Variants in XXYLT1 observed in about 807,000 individuals in gnomAD.
The protein encoded by XXYLT1 is UDP-xylose:alpha-xyloside alpha-1,3-xylosyltransferase.
A neutral mutation model predicts 28.9 loss-of-function variants in XXYLT1; 20 were observed. The ratio of observed to expected loss-of-function variants is 0.69; its 90% CI spans 0.49 to 1.00. The LOEUF (loss-of-function observed/expected upper bound fraction) is 1.00, where lower values mean the gene tolerates loss of function less well. Among genes scored for constraint, XXYLT1 ranks in the 50% least tolerant of loss-of-function variants. The probability of loss-of-function intolerance (pLI) is 0.00; values close to 1 mark genes in which losing one functional copy is unlikely to be tolerated. For synonymous variants in XXYLT1, 257 were observed against 253.8 expected (o/e 1.01, Z -0.12); for missense variants, 542 against 560.1 (o/e 0.97, Z 0.33).
At chr3:195,156,236 C>G (rs1720582213) in intron 3 of XXYLT1, among the ~76,000 whole-genome samples, 1 of 152,260 alleles carries the variant, frequency 6.6e-6, no homozygotes, top group Admixed American at 6.5e-5. Flanking sequence ...AGGCCACAAA[C>G]TCCAACAAAA....
Position 195,133,681 on chromosome 3 carries a change from A to G in XXYLT1, c.785+22768T>C, listed in dbSNP as rs1719018386. ...CTTGTTGCCATGCAGCATTGTATACAGTCACGCACCACGTGACGACGTTGC... is the reference window on the plus strand; with the variant it reads ...CTTGTTGCCATGCAGCATTGTATACGGTCACGCACCACGTGACGACGTTGC... On this transcript the variant is annotated intron_variant, in intron 3 of 3. Transcript: ENST00000310380. The surrounding 1 kb of genome is among the most constrained non-coding windows in gnomAD (Gnocchi z 4.4). 2.0e-5 allele frequency among the ~76,000 whole-genome samples: 3 copies of G among 152,188 alleles called. No individual in the cohort carries two copies. Among genetic ancestry groups the G allele is most frequent in the Admixed American group, 1.3e-4 (2 of 15,274 alleles).
At chr3:195,145,930 T>C (rs1719820565) in intron 3 of XXYLT1, among the ~76,000 whole-genome samples, 1 of 152,216 alleles carries the variant, frequency 6.6e-6, no homozygotes, top group Non-Finnish European at 1.5e-5. Context: ...TCACAGGGGT[T>C]CTCTATGATC....
chr3:195,263,521 A>G (rs12492644), intron 1 of XXYLT1, among the ~76,000 whole-genome samples: 4,456 of 152,260 alleles, frequency 0.029, 139 homozygotes, highest in East Asian at 0.1. Flanking sequence ...AGTGGCTGTT[A>G]TAAAGCCAGG....
At position 195,226,735 on chromosome 3, in the gene XXYLT1, A is replaced by T; in HGVS notation, c.626T>A (p.Val209Asp). The change falls in exon 2 of 4, where the codon GTC becomes GAC. Residue 209 changes from valine to aspartate, a missense_variant. Transcript: ENST00000310380. ...TTTGGGCATGATCTGATGCATGGCG[A>T]CCGAGAGGAAGAAGATGGAGTCACT... Reference protein sequence around the residue: ...YYSDSIFFLSVAMHQIMPKEI... With the variant: ...YYSDSIFFLSDAMHQIMPKEI... 6.2e-7 allele frequency: 1 copy of T among 1,613,822 alleles called. No individual in the cohort carries two copies. Among genetic ancestry groups the T allele is most frequent in the African/African-American group, 1.3e-5 (1 of 74,956 alleles).
At chr3:195,080,675 G>A (rs1560083400) in intron 3 of XXYLT1, among the ~76,000 whole-genome samples, 2 of 152,218 alleles carry the variant, frequency 1.3e-5, no homozygotes, top group Non-Finnish European at 2.9e-5. Context: ...AGGACACATG[G>A]TGGGGTGTTT....
intron 3 of XXYLT1, among the ~76,000 whole-genome samples, chr3:195,149,430 T>A (rs558349754): frequency 1.4e-4 from 21 of 152,188 alleles, no homozygotes; most frequent in African/African-American, 5.1e-4. Context: ...ATATTGGAGA[T>A]CAGGGCTAGA....
intron 1 of XXYLT1, among the ~76,000 whole-genome samples, chr3:195,229,007 T>G (rs1385089657): frequency 6.6e-6 from 1 of 151,940 alleles, no homozygotes; most frequent in Non-Finnish European, 1.5e-5. Context: ...GAGACAGGGT[T>G]TCACCATGTT....
rs754360505 is a variant in XXYLT1, at chr3:195,110,660, TTG to T, written c.786-40551_786-40550del. On this transcript the variant is annotated intron_variant, in intron 3 of 3. Coordinates refer to ENST00000310380, the MANE Select transcript of XXYLT1 (RefSeq NM_152531.5). Reference sequence around the variant, plus strand: ...GTGATGTATAAGTGTGTGTGGTGTGTTGTGTGTGGTGTATGTGTGTGTGTGCT... The same window carrying T: ...GTGATGTATAAGTGTGTGTGGTGTGTTGTGTGGTGTATGTGTGTGTGTGCT... Among the ~76,000 whole-genome samples, 3 of 92,620 alleles carry T rather than the reference TTG, an allele frequency of 3.2e-5. 1 individual carries two copies. Among genetic ancestry groups the T allele is most frequent in the Non-Finnish European group, 4.9e-5 (2 of 40,878 alleles). The allele number at this position is 92,620 out of a possible 152,430, so 60.8% of individuals were successfully genotyped here.
chr3:195,157,385 G>T (rs933717980), intron 2 of XXYLT1, among the ~76,000 whole-genome samples: 1 of 152,092 alleles, frequency 6.6e-6, no homozygotes, highest in Admixed American at 6.5e-5. Context: ...AAACCCAGAT[G>T]TGTGTCAAGT....
intron 3 of XXYLT1, among the ~76,000 whole-genome samples, chr3:195,127,915 T>C (rs1255804104): frequency 6.6e-6 from 1 of 152,214 alleles, no homozygotes; most frequent in Non-Finnish European, 1.5e-5. Flanking sequence ...AAGAGGTAAT[T>C]GTGCAAATGT....
Position 195,168,014 on chromosome 3 carries a change from GT to G in XXYLT1, c.653-11434del, listed in dbSNP as rs1199098418. 1.3e-5 allele frequency among the ~76,000 whole-genome samples: 2 copies of G among 152,102 alleles called. No individual in the cohort carries two copies. The highest frequency in any genetic ancestry group is 2.9e-5 in the Non-Finnish European group (2 of 68,018). On this transcript the variant is annotated intron_variant, in intron 2 of 3. Transcript: ENST00000310380. The surrounding 1 kb of genome is among the most constrained non-coding windows in gnomAD (Gnocchi z 4.3). The stretch of plus-strand genomic sequence containing the variant: ...AGAACACCTTTTCTTTCCTCTATTT[GT>G]TTTTTTAAACAACTGTTGACATGGG...
intron 3 of XXYLT1, among the ~76,000 whole-genome samples, chr3:195,109,613 TA>T (rs57722233): frequency 7.9e-6 from 1 of 127,386 alleles, no homozygotes; most frequent in Admixed American, 7.5e-5. Flanking sequence ...GTGTGTGTTG[TA>T]TGAGTGTGTG....
intron 3 of XXYLT1, among the ~76,000 whole-genome samples, chr3:195,081,717 C>T (rs548166104): frequency 9.2e-5 from 14 of 152,278 alleles, no homozygotes; most frequent in African/African-American, 3.4e-4. Flanking sequence ...ATACTCAATA[C>T]ATTCAGATGA....
In XXYLT1 at chr3:195,173,046, G is replaced by A. The variant is rs1346784757; in HGVS notation, c.653-16465C>T. Reference sequence around the variant, plus strand: ...GTTTGGCAGCCCCCCGGGGCTGATCGACACCCCTACTTTCAAGACTTGGCA... The same window carrying A: ...GTTTGGCAGCCCCCCGGGGCTGATCAACACCCCTACTTTCAAGACTTGGCA... On this transcript the variant is annotated intron_variant, in intron 2 of 3. Coordinates refer to ENST00000310380, the MANE Select transcript of XXYLT1 (RefSeq NM_152531.5). The surrounding 1 kb of genome is among the most constrained non-coding windows in gnomAD (Gnocchi z 4.3). Among the ~76,000 whole-genome samples, 1 of 151,988 alleles carries A rather than the reference G, an allele frequency of 6.6e-6. No individual in the cohort carries two copies. The highest frequency in any genetic ancestry group is 1.5e-5 in the Non-Finnish European group (1 of 67,980).
In XXYLT1 at chr3:195,122,176, A is replaced by G. The variant is rs766901729; in HGVS notation, c.785+34273T>C. The G allele has an allele frequency of 4.3e-6, 3 of 702,920 alleles. No individual in the cohort carries two copies. The South Asian group carries it at 4.4e-5, about 10-fold the overall frequency. The allele number at this position is 702,920 out of a possible 1,614,324, so 43.5% of individuals were successfully genotyped here. On this transcript the variant is annotated intron_variant, in intron 3 of 3. Coordinates refer to ENST00000310380, the MANE Select transcript of XXYLT1 (RefSeq NM_152531.5). The stretch of plus-strand genomic sequence containing the variant: ...GCTCTTCAGGGTCTCTTTCATCAGG[A>G]CACTCATCCCATTCATGATGACCTA...
In XXYLT1 at chr3:195,129,759, C is replaced by A. The variant is rs1284279284; in HGVS notation, c.785+26690G>T. Among the ~76,000 whole-genome samples the A allele has an allele frequency of 6.6e-6, 1 of 152,082 alleles. No individual in the cohort carries two copies. Among genetic ancestry groups the A allele is most frequent in the East Asian group, 1.9e-4 (1 of 5,176 alleles). ...GATTTCCACCGTTTGGCTATTATGA[C>A]TCATGCTGATACGAACGTCCATTTG... On this transcript the variant is annotated intron_variant, in intron 3 of 3. Coordinates refer to ENST00000310380, the MANE Select transcript of XXYLT1 (RefSeq NM_152531.5). The surrounding 1 kb of genome is among the most constrained non-coding windows in gnomAD (Gnocchi z 4.4).
At chr3:195,103,826 T>C (rs1249820857) in intron 3 of XXYLT1, among the ~76,000 whole-genome samples, 8 of 152,354 alleles carry the variant, frequency 5.3e-5, no homozygotes, top group Admixed American at 2.0e-4. Flanking sequence ...AGACAGTCCC[T>C]GGCATAACTA....
At chr3:195,215,186 A>C (rs1444094855) in intron 2 of XXYLT1, among the ~76,000 whole-genome samples, 3 of 151,438 alleles carry the variant, frequency 2.0e-5, no homozygotes, top group African/African-American at 7.3e-5. Flanking sequence ...AAACATGGAA[A>C]GGAACAACCG....
At chr3:195,110,854 TATAA>T (rs201390552) in intron 3 of XXYLT1, among the ~76,000 whole-genome samples, 12 of 30,468 alleles carry the variant, frequency 3.9e-4, no homozygotes, top group Non-Finnish European at 9.8e-4. Flanking sequence ...GTGTGTGTTG[TATAA>T]GTGTGTGTGT....
Sources: gnomAD v4.1 joint callset for allele counts (sites outside exome capture counted in the v4.1 genomes callset) on GRCh38, gnomAD v4.1.1 for gene constraint, Gnocchi (gnomAD v3.1) non-coding constraint, MANE v1.5 for transcripts, NCBI Gene and HGNC (gene_info 2026-07-23, HGNC 2026-07-21) for gene names.